CNTNAP2: variants seen among roughly 807,000 people sequenced by gnomAD.
CNTNAP2 encodes the protein contactin-associated protein-like 2.
A neutral mutation model predicts 155.2 loss-of-function variants in CNTNAP2; 98 were observed. The ratio of observed to expected loss-of-function variants is 0.63; its 90% CI spans 0.54 to 0.75. The LOEUF is 0.75. CNTNAP2 is among the 30% of genes least tolerant of loss of function. CNTNAP2 has a pLI of 0.00. For synonymous variants in CNTNAP2, 651 were observed against 631.2 expected (o/e 1.03, Z -0.47); for missense variants, 1,727 against 1,688.1 (o/e 1.02, Z -0.40).
intron 3 of CNTNAP2, among the ~76,000 whole-genome samples, chr7:146,914,172 ACAC>A (rs1048742777): frequency 4.6e-5 from 7 of 152,178 alleles, no homozygotes; most frequent in South Asian, 2.1e-4. Context: ...ATATGAATAC[ACAC>A]CACATTTTCT....
At chr7:148,160,766 G>A (rs1208415990) in intron 17 of CNTNAP2, among the ~76,000 whole-genome samples, 1 of 152,126 alleles carries the variant, frequency 6.6e-6, no homozygotes, top group Non-Finnish European at 1.5e-5. Context: ...GGTGGTTGTT[G>A]TTGTTTTTCT....
intron 19 of CNTNAP2, among the ~76,000 whole-genome samples, chr7:148,221,911 T>C (rs1795752947): frequency 6.6e-6 from 1 of 152,266 alleles, no homozygotes; most frequent in South Asian, 2.1e-4. Context: ...AAATATCTTT[T>C]AATTCCCAGT....
chr7:147,349,219 T>A (rs1407090821), intron 9 of CNTNAP2, among the ~76,000 whole-genome samples: 2 of 151,926 alleles, frequency 1.3e-5, no homozygotes, highest in African/African-American at 4.8e-5. Flanking sequence ...ATACATTATA[T>A]GTATTGAAAC....
chr7:147,161,323 T>C (rs1802019250), intron 8 of CNTNAP2, among the ~76,000 whole-genome samples: 1 of 152,170 alleles, frequency 6.6e-6, no homozygotes, highest in Non-Finnish European at 1.5e-5. Context: ...CCTCCTCCTG[T>C]GAGGCTGTTT....
intron 3 of CNTNAP2, among the ~76,000 whole-genome samples, chr7:146,876,857 A>AT (rs1326342271): frequency 1.7e-4 from 26 of 152,102 alleles, no homozygotes; most frequent in Non-Finnish European, 2.4e-4. Flanking sequence ...GGAAATGCAC[A>AT]TTTTTTCCTC....
At chr7:147,375,840 T>A (rs992311178) in intron 9 of CNTNAP2, among the ~76,000 whole-genome samples, 1 of 152,056 alleles carries the variant, frequency 6.6e-6, no homozygotes, top group Non-Finnish European at 1.5e-5. Flanking sequence ...TCACTCTTAC[T>A]TTGGTGAGTT....
chr7:146,824,104 T>C (rs1803352407), intron 2 of CNTNAP2, among the ~76,000 whole-genome samples: 1 of 152,186 alleles, frequency 6.6e-6, no homozygotes, highest in South Asian at 2.1e-4. Context: ...TTCTCATTTT[T>C]CAGCTCCCAC....
chr7:146,207,793 T>C (rs1798970706), intron 1 of CNTNAP2, among the ~76,000 whole-genome samples: 1 of 152,008 alleles, frequency 6.6e-6, no homozygotes, highest in Admixed American at 6.6e-5. Flanking sequence ...GATGTAGACA[T>C]ATTTTAATAA....
At chr7:147,974,703 C>T (rs894195737) in intron 14 of CNTNAP2, among the ~76,000 whole-genome samples, 1 of 152,160 alleles carries the variant, frequency 6.6e-6, no homozygotes, top group Non-Finnish European at 1.5e-5. Context: ...CCTGAATTTT[C>T]ATACATCCCT....
intron 2 of CNTNAP2, among the ~76,000 whole-genome samples, chr7:146,819,661 C>T (rs749416908): frequency 6.6e-6 from 1 of 152,060 alleles, no homozygotes; most frequent in Non-Finnish European, 1.5e-5. Context: ...TCTTTAAAAC[C>T]GATATGGGAA....
intron 9 of CNTNAP2, among the ~76,000 whole-genome samples, chr7:147,347,166 G>GTAGC (rs1430294324): frequency 4.0e-5 from 6 of 151,880 alleles, no homozygotes; most frequent in African/African-American, 1.5e-4. Context: ...AAGAATAAAG[G>GTAGC]TAGCTATTCC....
chr7:148,275,947 G>T (rs554291202), intron 21 of CNTNAP2, among the ~76,000 whole-genome samples: 2 of 152,168 alleles, frequency 1.3e-5, no homozygotes, highest in Admixed American at 1.3e-4. Flanking sequence ...TGGAAACACA[G>T]TGTGCTATGA....
chr7:147,282,647 A>C (rs1302813472), intron 8 of CNTNAP2, among the ~76,000 whole-genome samples: 1 of 151,948 alleles, frequency 6.6e-6, no homozygotes, highest in Non-Finnish European at 1.5e-5. Context: ...AGCAAAACAA[A>C]ATGGTGCTTA....
At chr7:147,958,811 C>T (rs1421473763) in intron 14 of CNTNAP2, among the ~76,000 whole-genome samples, 2 of 152,138 alleles carry the variant, frequency 1.3e-5, no homozygotes, top group Admixed American at 1.3e-4. Flanking sequence ...GCCAAATTAA[C>T]TCCCAACTCA....
At chr7:146,613,852 C>T (rs1386749426) in intron 1 of CNTNAP2, among the ~76,000 whole-genome samples, 2 of 151,960 alleles carry the variant, frequency 1.3e-5, no homozygotes, top group Non-Finnish European at 2.9e-5. Context: ...TCACAGTTTT[C>T]TGTTGAGTGA....
chr7:147,984,041 G>T (rs1801576921), intron 15 of CNTNAP2, among the ~76,000 whole-genome samples: 1 of 152,162 alleles, frequency 6.6e-6, no homozygotes, highest in South Asian at 2.1e-4. Flanking sequence ...ACATGTTTGG[G>T]TGTGAAATCT....
intron 1 of CNTNAP2, among the ~76,000 whole-genome samples, chr7:146,680,248 T>C (rs1371902830): frequency 1.3e-5 from 2 of 152,154 alleles, no homozygotes; most frequent in African/African-American, 4.8e-5. Flanking sequence ...GACTTTTGGA[T>C]TATGTAACCA....
chr7:147,930,780 A>G (rs886875116), intron 14 of CNTNAP2, among the ~76,000 whole-genome samples: 2 of 152,228 alleles, frequency 1.3e-5, no homozygotes, highest in African/African-American at 4.8e-5. Context: ...TCTCCAGGAT[A>G]GATCTCATGT....
chr7:148,318,068 A>G (rs1797722436), intron 21 of CNTNAP2, among the ~76,000 whole-genome samples: 1 of 152,144 alleles, frequency 6.6e-6, no homozygotes. Flanking sequence ...CTTTCATCAA[A>G]GTCTCATTCA....
Sources: gnomAD v4.1 joint callset for allele counts (sites outside exome capture counted in the v4.1 genomes callset) on GRCh38, gnomAD v4.1.1 for gene constraint, MANE v1.5 for transcripts, NCBI Gene and HGNC (gene_info 2026-07-23, HGNC 2026-07-21) for gene names.